The following BCL2 variants were observed in gnomAD, a reference collection of about 807,000 sequenced individuals.
BCL2 encodes apoptosis regulator Bcl-2.
Under a neutral mutation model 14.2 loss-of-function variants are expected in BCL2, and 1 was observed. The ratio of observed to expected loss-of-function variants is 0.07; its 90% confidence interval spans 0.02 to 0.33. The LOEUF is 0.33. Among genes scored for constraint, BCL2 ranks in the 10% least tolerant of loss-of-function variants. The pLI is 0.99. For missense variants in BCL2, 247 were observed against 305.9 expected (o/e 0.81, Z 1.44); for synonymous variants, 151 against 137.2 (o/e 1.10, Z -0.70).
At chr18:63,276,006 C>T (rs1156925207) in intron 2 of BCL2, among the ~76,000 whole-genome samples, 1 of 152,188 alleles carries the variant, frequency 6.6e-6, no homozygotes, top group African/African-American at 2.4e-5. Flanking sequence ...ACAGCCAACA[C>T]CTGTTATTGT....
chr18:63,130,514 A>AT (rs1319741776), intron 2 of BCL2, among the ~76,000 whole-genome samples: 1 of 152,248 alleles, frequency 6.6e-6, no homozygotes, highest in East Asian at 1.9e-4. Context: ...TCTTTGGCTT[A>AT]ATGCTTTACC....
At chr18:63,147,745 C>G (rs1203525312) in intron 2 of BCL2, among the ~76,000 whole-genome samples, 1 of 152,164 alleles carries the variant, frequency 6.6e-6, no homozygotes. Flanking sequence ...CTGGATGTGT[C>G]CTACTTCTCA....
At chr18:63,139,562 C>T (rs942165940) in intron 2 of BCL2, among the ~76,000 whole-genome samples, 1 of 152,192 alleles carries the variant, frequency 6.6e-6, no homozygotes, top group Non-Finnish European at 1.5e-5. Context: ...CACTTTGTGT[C>T]TTGTCTGCAG....
chr18:63,179,306 G>A (rs141530834), intron 2 of BCL2, among the ~76,000 whole-genome samples: 112 of 152,276 alleles, frequency 7.4e-4, no homozygotes, highest in South Asian at 4.8e-3. Context: ...GGCAGAAAAG[G>A]AGAGAATTTG....
chr18:63,298,868 G>A (rs1912874256), intron 2 of BCL2, among the ~76,000 whole-genome samples: 1 of 152,142 alleles, frequency 6.6e-6, no homozygotes, highest in South Asian at 2.1e-4. Flanking sequence ...GGTTTGCCCC[G>A]AGTCATCACT....
intron 2 of BCL2, among the ~76,000 whole-genome samples, chr18:63,192,020 G>T (rs1433056370): frequency 6.6e-6 from 1 of 152,134 alleles, no homozygotes; most frequent in Non-Finnish European, 1.5e-5. Flanking sequence ...CTATGTGCAG[G>T]GTGCTCACCT....
At chr18:63,219,451 C>CTTTTTTTT (rs11289698) in intron 2 of BCL2, among the ~76,000 whole-genome samples, 1 of 109,794 alleles carries the variant, frequency 9.1e-6, no homozygotes, top group Non-Finnish European at 1.9e-5. Context: ...CACAGCAGAA[C>CTTTTTTTT]TTTTTTTTTT....
intron 2 of BCL2, among the ~76,000 whole-genome samples, chr18:63,269,161 C>A (rs1454286618): frequency 6.6e-6 from 1 of 151,778 alleles, no homozygotes; most frequent in Non-Finnish European, 1.5e-5. Flanking sequence ...ACTATGCTGC[C>A]CAGGCTGGTC....
chr18:63,176,294 T>C (rs1360460138), intron 2 of BCL2, among the ~76,000 whole-genome samples: 4 of 152,218 alleles, frequency 2.6e-5, no homozygotes, highest in Admixed American at 6.5e-5. Flanking sequence ...GCCAGTCCTT[T>C]CTGACACTAG....
chr18:63,260,102 T>G (rs1380782192), intron 2 of BCL2, among the ~76,000 whole-genome samples: 2 of 145,148 alleles, frequency 1.4e-5, no homozygotes, highest in Non-Finnish European at 3.0e-5. Context: ...TTTCATCTGC[T>G]TTTTTTTTTC....
At chr18:63,135,219 T>C (rs918724265) in intron 2 of BCL2, among the ~76,000 whole-genome samples, 1 of 152,162 alleles carries the variant, frequency 6.6e-6, no homozygotes, top group Non-Finnish European at 1.5e-5. Flanking sequence ...AAGCAGCTGG[T>C]TCTTCTCTCT....
chr18:63,154,917 T>C (rs1327834546), intron 2 of BCL2, among the ~76,000 whole-genome samples: 2 of 152,196 alleles, frequency 1.3e-5, no homozygotes, highest in Non-Finnish European at 2.9e-5. Context: ...TGTGTTATGC[T>C]CAAGGAAGAT....
At chr18:63,289,473 A>C (rs1912580030) in intron 2 of BCL2, among the ~76,000 whole-genome samples, 1 of 152,210 alleles carries the variant, frequency 6.6e-6, no homozygotes, top group South Asian at 2.1e-4. Context: ...GCGGGTTCAG[A>C]GCATAGCAAT....
intron 2 of BCL2, among the ~76,000 whole-genome samples, chr18:63,198,918 CACACAGACACAG>C (rs1909584103): frequency 8.3e-6 from 1 of 120,194 alleles, no homozygotes; most frequent in Non-Finnish European, 1.7e-5. Flanking sequence ...TATACAGACA[CACACAGACACAG>C]AGACACACAC....
intron 2 of BCL2, among the ~76,000 whole-genome samples, chr18:63,279,870 G>C (rs1308887434): frequency 6.6e-6 from 1 of 152,144 alleles, no homozygotes; most frequent in Non-Finnish European, 1.5e-5. Context: ...ATATCATTTA[G>C]GGTGACATAC....
intron 2 of BCL2, among the ~76,000 whole-genome samples, chr18:63,227,101 A>C (rs899529586): frequency 2.0e-5 from 3 of 152,232 alleles, no homozygotes; most frequent in Admixed American, 1.3e-4. Flanking sequence ...GAACCCTCTA[A>C]ATAAATGACA....
chr18:63,227,618 A>T (rs1436812597), intron 2 of BCL2, among the ~76,000 whole-genome samples: 2 of 152,244 alleles, frequency 1.3e-5, no homozygotes, highest in Non-Finnish European at 2.9e-5. Context: ...CAAGTAATTT[A>T]ATGTGAGGCA....
intron 2 of BCL2, among the ~76,000 whole-genome samples, chr18:63,306,939 G>A (rs1913157083): frequency 6.6e-6 from 1 of 151,486 alleles, no homozygotes; most frequent in South Asian, 2.1e-4. Context: ...GCCCAGGGAA[G>A]CCAAAAGATT....
chr18:63,302,230 G>A (rs979707453), intron 2 of BCL2: 1 of 592,294 alleles, frequency 1.7e-6, no homozygotes, highest in Non-Finnish European at 2.1e-6. Context: ...CTACTCGGGA[G>A]GCTGAGGTTG....
Sources: gnomAD v4.1 joint callset for allele counts (sites outside exome capture counted in the v4.1 genomes callset) on GRCh38, gnomAD v4.1.1 for gene constraint, MANE v1.5 for transcripts, NCBI Gene and HGNC (gene_info 2026-07-23, HGNC 2026-07-21) for gene names.